Variants in XRCC4 observed in about 807,000 individuals in gnomAD.
The protein encoded by XRCC4 is X-ray repair cross complementing 4, also known as DNA repair protein XRCC4.
XRCC4 carries 28 observed loss-of-function variants against 39.1 expected under a neutral mutation model. The ratio of observed to expected loss-of-function variants is 0.72; its 90% confidence interval spans 0.53 to 0.98. The LOEUF (loss-of-function observed/expected upper bound fraction) is 0.98. Ranked by LOEUF, XRCC4 falls within the 50% of genes least tolerant of loss-of-function variation. XRCC4 has a pLI of 0.00. For synonymous variants in XRCC4, 123 were observed against 126.4 expected (o/e 0.97, Z 0.18); for missense variants, 350 against 376.4 (o/e 0.93, Z 0.58).
At chr5:83,340,993 A>G (rs1374020576) in intron 7 of XRCC4, among the ~76,000 whole-genome samples, 1 of 152,066 alleles carries the variant, frequency 6.6e-6, no homozygotes, top group Non-Finnish European at 1.5e-5. Flanking sequence ...CACTAAGTTT[A>G]TGGTTTCAGA....
the XRCC4 span, among the ~76,000 whole-genome samples, chr5:83,366,207 C>T: frequency 6.6e-6 from 1 of 152,206 alleles, no homozygotes; most frequent in Non-Finnish European, 1.5e-5. Context: ...TCAAACTGAA[C>T]TGTGCTATAG....
chr5:83,356,658 T>G (rs1757193188), downstream of XRCC4: 47 of 439,306 alleles, frequency 1.1e-4, 3 homozygotes, highest in South Asian at 7.7e-4. Flanking sequence ...GATCTACAGA[T>G]CTGGTGTAAA....
At chr5:83,106,920 T>C (rs1013965799) in intron 2 of XRCC4, among the ~76,000 whole-genome samples, 10 of 152,056 alleles carry the variant, frequency 6.6e-5, no homozygotes, top group Admixed American at 5.9e-4. Flanking sequence ...AGCATGTTTT[T>C]GAATGAAAAC....
At chr5:83,239,406 G>A (rs142218572) in intron 6 of XRCC4, among the ~76,000 whole-genome samples, 4 of 152,318 alleles carry the variant, frequency 2.6e-5, no homozygotes, top group Non-Finnish European at 5.9e-5. Flanking sequence ...ATGACTCTCC[G>A]TCTGTGATTT....
chr5:83,105,150 C>A, intron 2 of XRCC4, 92 bp downstream of exon 2: 1 of 1,279,194 alleles, frequency 7.8e-7, no homozygotes, highest in Non-Finnish European at 1.1e-6. Context: ...TTGGGTAAAA[C>A]TGATATTAAT....
At chr5:83,177,094 G>C (rs1749993834) in intron 3 of XRCC4, among the ~76,000 whole-genome samples, 1 of 152,114 alleles carries the variant, frequency 6.6e-6, no homozygotes, top group Non-Finnish European at 1.5e-5. Flanking sequence ...TTTTCTATTT[G>C]TAATTGCCTT....
intron 3 of XRCC4, among the ~76,000 whole-genome samples, chr5:83,169,982 G>T (rs28360099): frequency 0.063 from 9,573 of 152,106 alleles, 495 homozygotes; most frequent in African/African-American, 0.14. Flanking sequence ...TGATTTACAT[G>T]TTAATCTTTT....
At chr5:83,349,594 G>A (rs541001724) in intron 7 of XRCC4, among the ~76,000 whole-genome samples, 1 of 152,256 alleles carries the variant, frequency 6.6e-6, no homozygotes, top group South Asian at 2.1e-4. Context: ...TAAATTATAA[G>A]TGGAGCACCA....
At chr5:83,330,636 T>C (rs1324365555) in intron 7 of XRCC4, among the ~76,000 whole-genome samples, 2 of 151,970 alleles carry the variant, frequency 1.3e-5, no homozygotes, top group African/African-American at 4.8e-5. Context: ...ACTACATTGG[T>C]AATTTTGGGT....
At chr5:83,163,224 G>A (rs1179481623) in intron 3 of XRCC4, among the ~76,000 whole-genome samples, 2 of 152,110 alleles carry the variant, frequency 1.3e-5, no homozygotes, top group East Asian at 3.9e-4. Context: ...TGAGATTACA[G>A]GTGTGAGCCA....
intron 7 of XRCC4, among the ~76,000 whole-genome samples, chr5:83,333,254 C>T (rs946881614): frequency 1.3e-5 from 2 of 152,152 alleles, no homozygotes; most frequent in African/African-American, 4.8e-5. Context: ...TCTTCAATTA[C>T]ATGTGTGGCA....
chr5:83,102,460 A>G (rs1745984879), intron 1 of XRCC4, among the ~76,000 whole-genome samples: 1 of 152,160 alleles, frequency 6.6e-6, no homozygotes, highest in African/African-American at 2.4e-5. Flanking sequence ...ATTTGTGGAA[A>G]GCCTTCTTTG....
downstream of XRCC4, among the ~76,000 whole-genome samples, chr5:83,355,859 A>T (rs1194877533): frequency 1.3e-5 from 2 of 151,496 alleles, no homozygotes; most frequent in Middle Eastern, 3.2e-3. Context: ...GCTGGTCTCA[A>T]CCTCCTAACC....
rs1334128815 is a variant in XRCC4 at position 83,113,314 on chromosome 5, C to G, written c.315+2111C>G. 1.3e-5 allele frequency among the ~76,000 whole-genome samples: 2 copies of G among 152,222 alleles called. 1 individual carries two copies. Among genetic ancestry groups the G allele is most frequent in the Non-Finnish European group, 2.9e-5 (2 of 68,042 alleles). On this transcript the variant is annotated intron_variant, in intron 3 of 7. Transcript: ENST00000396027. ...TGATGCTAATGCAAGAGGCGGACTCCCACAACCTTGAGCAGCTCCACCCCT... is the reference window on the plus strand; with the variant it reads ...TGATGCTAATGCAAGAGGCGGACTCGCACAACCTTGAGCAGCTCCACCCCT...
In XRCC4 at chr5:83,329,044, G is replaced by C. The variant is rs117057155; in HGVS notation, c.894-24087G>C. ...CCCACTTAAGCCTCCTTATTAGCTG[G>C]GACTGCAGACATGTGCCACTGCACC... is the stretch of plus-strand genomic sequence containing the variant. On this transcript the variant is annotated intron_variant, in intron 7 of 7. Coordinates refer to ENST00000396027, the MANE Select transcript of XRCC4 (RefSeq NM_003401.5). 3.3e-3 allele frequency among the ~76,000 whole-genome samples: 507 copies of C among 151,878 alleles called. 14 individuals are homozygous for C. In the East Asian group the frequency reaches 0.076, roughly 23 times the overall value.
intron 6 of XRCC4, among the ~76,000 whole-genome samples, chr5:83,223,920 T>G (rs1394004265): frequency 6.7e-6 from 1 of 148,450 alleles, no homozygotes; most frequent in Non-Finnish European, 1.5e-5. Flanking sequence ...GTTTCCAGCT[T>G]CATCCATGTC....
intron 3 of XRCC4, among the ~76,000 whole-genome samples, chr5:83,179,160 G>A (rs1454569592): frequency 3.3e-5 from 5 of 152,148 alleles, no homozygotes; most frequent in Admixed American, 1.3e-4. Context: ...AAGAGAAGAA[G>A]CATTTTTAGT....
intron 3 of XRCC4, among the ~76,000 whole-genome samples, chr5:83,193,992 G>T (rs1041534768): frequency 6.6e-6 from 1 of 152,070 alleles, no homozygotes; most frequent in East Asian, 1.9e-4. Context: ...GGAGTGCAGT[G>T]GCACAATCTA....
intron 7 of XRCC4, among the ~76,000 whole-genome samples, chr5:83,261,125 A>C (rs1259019888): frequency 6.6e-6 from 1 of 151,890 alleles, no homozygotes; most frequent in Admixed American, 6.6e-5. Flanking sequence ...AAAAATTTTA[A>C]ATACTAGTTG....
Sources: gnomAD v4.1 joint callset for allele counts (sites outside exome capture counted in the v4.1 genomes callset) on GRCh38, gnomAD v4.1.1 for gene constraint, MANE v1.5 for transcripts, NCBI Gene and HGNC (gene_info 2026-07-23, HGNC 2026-07-21) for gene names.